Variants in ACTN1 observed in about 807,000 individuals in gnomAD.
ACTN1 encodes the protein alpha-actinin-1.
In ACTN1, 30 loss-of-function variants were observed where a neutral mutation model predicts 119.6. The ratio of observed to expected loss-of-function variants is 0.25; its 90% CI spans 0.19 to 0.34. The LOEUF (loss-of-function observed/expected upper bound fraction) is 0.34, where lower values mean the gene tolerates loss of function less well. ACTN1 is among the 10% of genes least tolerant of loss of function. The pLI is 1.00. For missense variants in ACTN1, 764 were observed against 1,223.4 expected, an observed-to-expected ratio of 0.62 and a Z score of 5.60; for synonymous variants, 429 against 472.6, an observed-to-expected ratio of 0.91 and a Z score of 1.20.
chr14:68,896,648 G>A (rs186270395), intron 8 of ACTN1, among the ~76,000 whole-genome samples: 17 of 152,304 alleles, frequency 1.1e-4, no homozygotes, highest in African/African-American at 3.8e-4. Flanking sequence ...GGGGAGGAAA[G>A]ATTCCTTCCC....
At chr14:68,892,528 C>T (rs1422506027) in intron 9 of ACTN1, among the ~76,000 whole-genome samples, 1 of 152,200 alleles carries the variant, frequency 6.6e-6, no homozygotes, top group Non-Finnish European at 1.5e-5. Context: ...CGTCACTCAA[C>T]CTCCCTGCTT....
chr14:68,895,275 C>T (rs530129765), intron 8 of ACTN1, among the ~76,000 whole-genome samples: 1 of 152,290 alleles, frequency 6.6e-6, no homozygotes, highest in Admixed American at 6.5e-5. Flanking sequence ...GACCCCAACT[C>T]AACCCTGTCC....
intron 1 of ACTN1, among the ~76,000 whole-genome samples, chr14:68,971,747 C>T (rs2036893144): frequency 6.6e-6 from 1 of 152,194 alleles, no homozygotes; most frequent in South Asian, 2.1e-4. Context: ...CTAGGGAAGA[C>T]CCCACTCCCT....
intron 1 of ACTN1, 46 bp downstream of exon 1, chr14:68,978,906 G>A: frequency 7.6e-7 from 1 of 1,324,238 alleles, no homozygotes; most frequent in Non-Finnish European, 1.0e-6. Context: ...GGTCGGGGCT[G>A]GGGGCTGGGG....
Position 68,911,560 on chromosome 14 carries a change from A to G in ACTN1, c.427+596T>C, listed in dbSNP as rs76530256. On this transcript the variant is annotated intron_variant, in intron 4 of 21. Coordinates refer to ENST00000394419, the MANE Select transcript of ACTN1 (RefSeq NM_001130004.2). ...ATGTTTATGATGTCTATGCCATTAA[A>G]ACAAATATTTAAAAAATAGTATCTC... Among the ~76,000 whole-genome samples, 1,506 of 152,372 alleles carry G rather than the reference A, an allele frequency of 9.9e-3. 21 individuals carry two copies. Among genetic ancestry groups the G allele is most frequent in the African/African-American group, 0.034 (1,425 of 41,582 alleles).
At chr14:68,965,327 C>G (rs7159001) in intron 1 of ACTN1, among the ~76,000 whole-genome samples, 66,905 of 152,064 alleles carry the variant, frequency 0.44, 15,085 homozygotes, top group Middle Eastern at 0.48. Flanking sequence ...CTGGGCTCTG[C>G]AAATAAACAA....
In ACTN1 at chr14:68,879,130, G is replaced by A. The variant is rs1355232802; in HGVS notation, c.2281-61C>T. 4 of 1,537,042 alleles carry A rather than the reference G, an allele frequency of 2.6e-6. No homozygotes were observed. The highest frequency in any genetic ancestry group is 3.5e-6 in the Non-Finnish European group (4 of 1,142,248). ...GTGTCAGGGAGGTGGAGCCGTGAGG[G>A]GGGCATGCCCCGGGGGAGGGTGGCG... On this transcript the variant is annotated intron_variant, in intron 18 of 21. Coordinates refer to ENST00000394419, the MANE Select transcript of ACTN1 (RefSeq NM_001130004.2). This position sits in a 1 kb window ranked among gnomAD's most constrained non-coding sequence, Gnocchi z 4.9.
chr14:68,921,140 A>G lies in ACTN1; in HGVS notation c.221-15T>C, dbSNP rs374421286. On this transcript the variant is annotated splice_polypyrimidine_tract_variant and intron_variant, in intron 2 of 21. Coordinates refer to ENST00000394419, the MANE Select transcript of ACTN1 (RefSeq NM_001130004.2). ...CAAGCGTTCACCTGTTTGGATCAAGAGGGAGGAAGAGGAAGGTGAGACGCT... is the reference window on the plus strand; with the variant it reads ...CAAGCGTTCACCTGTTTGGATCAAGGGGGAGGAAGAGGAAGGTGAGACGCT... 1.2e-5 allele frequency: 20 copies of G among 1,613,628 alleles called. No homozygotes were observed. The highest frequency in any genetic ancestry group is 1.6e-5 in the Non-Finnish European group (19 of 1,179,742).
chr14:68,972,844 T>A (rs1245800598), intron 1 of ACTN1, among the ~76,000 whole-genome samples: 4 of 152,208 alleles, frequency 2.6e-5, no homozygotes, highest in Admixed American at 2.6e-4. Context: ...GGAGGACCCA[T>A]CTCACAGGGT....
chr14:68,965,387 G>A (rs911209674), intron 1 of ACTN1, among the ~76,000 whole-genome samples: 2 of 152,240 alleles, frequency 1.3e-5, no homozygotes, highest in Non-Finnish European at 2.9e-5. Flanking sequence ...CAGATTCCAG[G>A]CTGAAAGCCT....
At chr14:68,933,128 A>AT (rs932520782) in intron 1 of ACTN1, among the ~76,000 whole-genome samples, 13 of 151,288 alleles carry the variant, frequency 8.6e-5, no homozygotes, top group Non-Finnish European at 1.8e-4. Context: ...ACCTCCTTGT[A>AT]TTTTTTTTAT....
At chr14:68,914,321 A>G (rs1257207092) in intron 3 of ACTN1, among the ~76,000 whole-genome samples, 1 of 152,260 alleles carries the variant, frequency 6.6e-6, no homozygotes, top group African/African-American at 2.4e-5. Flanking sequence ...TTGAAAAGAC[A>G]ATTGAAAAAT....
intron 4 of ACTN1, among the ~76,000 whole-genome samples, chr14:68,911,880 C>T (rs2034032179): frequency 6.6e-6 from 1 of 152,236 alleles, no homozygotes. Context: ...ACCCAAGAGC[C>T]AGGTGGGTTT....
chr14:68,877,294 C>T, intron 20 of ACTN1, 54 bp from the exon 21 acceptor site: 7 of 1,602,260 alleles, frequency 4.4e-6, no homozygotes, highest in Non-Finnish European at 5.1e-6. Context: ...CTGGGAATAT[C>T]TCATATGGAC....
At chr14:68,928,837 C>A (rs1054760647) in intron 1 of ACTN1, among the ~76,000 whole-genome samples, 1 of 152,114 alleles carries the variant, frequency 6.6e-6, no homozygotes, top group Non-Finnish European at 1.5e-5. Flanking sequence ...ACTCTCCTGT[C>A]GTAGGTCCCA....
At position 68,979,256 on chromosome 14, in the gene ACTN1, A is replaced by C. The variant is rs2037182076; in HGVS notation, c.-200T>G. 1 of 398,120 alleles carries C rather than the reference A, an allele frequency of 2.5e-6. No homozygotes were observed. Among genetic ancestry groups the C allele is most frequent in the East Asian group, 4.9e-5 (1 of 20,482 alleles). The allele number at this position is 398,120 out of a possible 1,614,324, so 24.7% of individuals were successfully genotyped here. ...GCGACAGCGGCGGCTGGGCTCGCGG[A>C]CTGCCTGCCTCTGGGCGGGCGCTTG... On this transcript the variant is annotated 5_prime_UTR_variant, in exon 1 of 22. Transcript: ENST00000394419.
chr14:68,951,830 T>C (rs1190040264), intron 1 of ACTN1, among the ~76,000 whole-genome samples: 3 of 152,204 alleles, frequency 2.0e-5, no homozygotes. Flanking sequence ...CCATCATTCA[T>C]TCACTCATTC....
intron 3 of ACTN1, among the ~76,000 whole-genome samples, chr14:68,916,066 TTAA>T (rs1218109499): frequency 6.6e-6 from 1 of 152,210 alleles, no homozygotes; most frequent in African/African-American, 2.4e-5. Context: ...TTATGAGTGC[TTAA>T]TAACTTAGAA....
At chr14:68,896,982 G>A (rs1362775618) in intron 8 of ACTN1, among the ~76,000 whole-genome samples, 1 of 152,038 alleles carries the variant, frequency 6.6e-6, no homozygotes, top group African/African-American at 2.4e-5. Flanking sequence ...TGGTTGTTTT[G>A]TTTGTTTTTT....
Sources: allele counts gnomAD v4.1 joint callset (sites outside exome capture counted in the v4.1 genomes callset), GRCh38; gene constraint gnomAD v4.1.1; non-coding constraint Gnocchi (gnomAD v3.1); transcripts MANE v1.5; gene names NCBI Gene and HGNC (gene_info 2026-07-23, HGNC 2026-07-21).